The following KCNMA1 variants were observed in gnomAD, a reference collection of about 807,000 sequenced individuals.
The protein encoded by KCNMA1 is potassium calcium-activated channel subfamily M alpha 1.
A neutral mutation model predicts 140.0 loss-of-function variants in KCNMA1; 29 were observed. The ratio of observed to expected loss-of-function variants is 0.21; its 90% CI spans 0.15 to 0.28. The LOEUF (loss-of-function observed/expected upper bound fraction) is 0.28, where lower values mean the gene tolerates loss of function less well. Among genes scored for constraint, KCNMA1 ranks in the 10% least tolerant of loss-of-function variants. The pLI, the probability that KCNMA1 is intolerant of heterozygous loss-of-function variation, is 1.00. For missense variants in KCNMA1, 880 were observed against 1,602.2 expected (o/e 0.55, Z 7.70); for synonymous variants, 612 against 611.9 (o/e 1.00, Z 0.00).
intron 14 of KCNMA1, among the ~76,000 whole-genome samples, chr10:77,064,916 G>T (rs1054092831): frequency 2.0e-5 from 3 of 152,188 alleles, no homozygotes; most frequent in Admixed American, 2.0e-4. Context: ...CCTTGTCAAG[G>T]ATTAAAGAGC....
At chr10:77,451,620 T>C (rs531953439) in intron 1 of KCNMA1, among the ~76,000 whole-genome samples, 28 of 152,154 alleles carry the variant, frequency 1.8e-4, no homozygotes, top group Admixed American at 3.9e-4. Flanking sequence ...ACAAACTGAG[T>C]TTGAAGTCTA....
chr10:77,290,039 G>A (rs912873010), intron 2 of KCNMA1, among the ~76,000 whole-genome samples: 3 of 152,198 alleles, frequency 2.0e-5, no homozygotes, highest in African/African-American at 7.2e-5. Flanking sequence ...GAGATGGAAG[G>A]AGGCGGTTCG....
intron 1 of KCNMA1, among the ~76,000 whole-genome samples, chr10:77,426,656 G>C (rs2097002715): frequency 6.6e-6 from 1 of 152,194 alleles, no homozygotes; most frequent in Non-Finnish European, 1.5e-5. Context: ...TTGACAAATG[G>C]TAGGGGCCTC....
In KCNMA1 at chr10:76,888,907, A is replaced by C. The variant is rs911397308; in HGVS notation, c.3461+544T>G. 2.0e-5 allele frequency among the ~76,000 whole-genome samples: 3 copies of C among 152,038 alleles called. No individual in the cohort carries two copies. The East Asian group carries it at 5.8e-4, about 30-fold the overall frequency. ...AGCCTTCTCTCTACTAAAAACACAA[A>C]AATTGGCTGGGTGTGGTGGTGTGTG... On this transcript the variant is annotated intron_variant, in intron 27 of 27. Transcript: ENST00000286628.
chr10:77,298,053 G>A (rs1451369224), intron 2 of KCNMA1, among the ~76,000 whole-genome samples: 2 of 152,092 alleles, frequency 1.3e-5, no homozygotes, highest in African/African-American at 4.8e-5. Flanking sequence ...CAAGAAACTG[G>A]CAACCTAGAC....
At chr10:76,948,064 G>C (rs961037060) in intron 22 of KCNMA1, among the ~76,000 whole-genome samples, 2 of 152,086 alleles carry the variant, frequency 1.3e-5, no homozygotes, top group Non-Finnish European at 2.9e-5. Flanking sequence ...GAGTGCAGTG[G>C]TGCTTTCACA....
intron 9 of KCNMA1, among the ~76,000 whole-genome samples, chr10:77,105,962 C>G (rs2097190617): frequency 6.6e-6 from 1 of 152,090 alleles, no homozygotes; most frequent in African/African-American, 2.4e-5. Flanking sequence ...AAAATTTGGC[C>G]AAACATAACA....
chr10:77,027,554 AG>A (rs770892968), intron 16 of KCNMA1, among the ~76,000 whole-genome samples: 2 of 152,196 alleles, frequency 1.3e-5, no homozygotes, highest in Admixed American at 6.5e-5. Context: ...CGGCATGATC[AG>A]GTGGAGATAT....
At chr10:77,283,573 A>C (rs1273228429) in intron 2 of KCNMA1, among the ~76,000 whole-genome samples, 1 of 152,222 alleles carries the variant, frequency 6.6e-6, no homozygotes, top group African/African-American at 2.4e-5. Flanking sequence ...CCTATGGCTC[A>C]AAATCAGAAG....
At chr10:77,252,927 A>G (rs1190746810) in intron 2 of KCNMA1, among the ~76,000 whole-genome samples, 2 of 151,942 alleles carry the variant, frequency 1.3e-5, no homozygotes, top group Non-Finnish European at 1.5e-5. Context: ...GCTGCAGTCT[A>G]TCAGTAATTA....
intron 19 of KCNMA1, among the ~76,000 whole-genome samples, chr10:76,982,493 G>A (rs1164778330): frequency 6.6e-6 from 1 of 152,140 alleles, no homozygotes; most frequent in Non-Finnish European, 1.5e-5. Context: ...AGGGTGGGAA[G>A]GGCATGCCAG....
intron 2 of KCNMA1, among the ~76,000 whole-genome samples, chr10:77,348,786 A>T (rs1432646469): frequency 6.6e-6 from 1 of 152,206 alleles, no homozygotes; most frequent in Non-Finnish European, 1.5e-5. Context: ...GACTCCTAGA[A>T]ATTGACACAA....
intron 11 of KCNMA1, 105 bp downstream of exon 11, chr10:77,086,383 A>T (rs1218682613): frequency 2.5e-6 from 2 of 813,642 alleles, no homozygotes; most frequent in Non-Finnish European, 4.3e-6. Context: ...TTAGGAGATG[A>T]CTCGTGGCCA....
chr10:77,186,163 G>A (rs1286018562), intron 3 of KCNMA1, among the ~76,000 whole-genome samples: 9 of 152,060 alleles, frequency 5.9e-5, no homozygotes, highest in Admixed American at 5.9e-4. Context: ...TTAGAGGCAG[G>A]GTAAGTTAGT....
chr10:77,228,959 T>C lies in KCNMA1; in HGVS notation c.602+22236A>G, dbSNP rs2052546796. On this transcript the variant is annotated intron_variant, in intron 3 of 27. Transcript: ENST00000286628. ...ATACGACATCACTGGAACTTGTTAGTGTTATTTGAAAGATGTGGCTGAAGT... is the reference window on the plus strand; with the variant it reads ...ATACGACATCACTGGAACTTGTTAGCGTTATTTGAAAGATGTGGCTGAAGT... Among the ~76,000 whole-genome samples the C allele has an allele frequency of 2.0e-5, 3 of 152,242 alleles. No homozygotes were observed. The South Asian group carries it at 6.2e-4, about 31-fold the overall frequency.
chr10:76,972,367 T>C (rs916018651), intron 19 of KCNMA1, among the ~76,000 whole-genome samples: 2 of 152,198 alleles, frequency 1.3e-5, no homozygotes, highest in African/African-American at 4.8e-5. Context: ...TGAATCTAGA[T>C]GAGTTAAGAC....
At chr10:77,289,989 C>T (rs1198062138) in intron 2 of KCNMA1, among the ~76,000 whole-genome samples, 1 of 152,144 alleles carries the variant, frequency 6.6e-6, no homozygotes, top group Non-Finnish European at 1.5e-5. Flanking sequence ...AAAGATAAAG[C>T]TATGGTGATG....
At chr10:77,159,800 A>G (rs1193480851) in intron 5 of KCNMA1, among the ~76,000 whole-genome samples, 1 of 152,124 alleles carries the variant, frequency 6.6e-6, no homozygotes, top group Non-Finnish European at 1.5e-5. Context: ...CTCTCCTGCC[A>G]TATTCAATGC....
intron 19 of KCNMA1, chr10:76,977,420 A>G (rs1442044831): frequency 1.7e-6 from 1 of 597,374 alleles, no homozygotes. Flanking sequence ...AAATTTTATC[A>G]GACCATAGCC....
Sources: gnomAD v4.1 joint callset for allele counts (sites outside exome capture counted in the v4.1 genomes callset) on GRCh38, gnomAD v4.1.1 for gene constraint, MANE v1.5 for transcripts, NCBI Gene and HGNC (gene_info 2026-07-23, HGNC 2026-07-21) for gene names.